The following PARD6G variants were observed in gnomAD, a reference collection of about 807,000 sequenced individuals.
The protein encoded by PARD6G is par-6 family cell polarity regulator gamma, also known as partitioning defective 6 homolog gamma.
Under a neutral mutation model 10.7 loss-of-function variants are expected in PARD6G, and 7 were observed. The ratio of observed to expected loss-of-function variants is 0.66; its 90% confidence interval spans 0.37 to 1.23. The LOEUF is 1.23. Ranked by LOEUF, PARD6G falls within the 50% of genes most tolerant of loss-of-function variation. PARD6G has a pLI of 0.02. For synonymous variants in PARD6G, 287 were observed against 269.4 expected (o/e 1.07, Z -0.64); for missense variants, 548 against 571.8 (o/e 0.96, Z 0.42).
rs1336766596 is a variant in PARD6G, at chr18:80,228,035, G to T, written c.72+19242C>A. Among the ~76,000 whole-genome samples, 2 of 152,138 alleles carry T rather than the reference G, an allele frequency of 1.3e-5. No homozygotes were observed. The highest frequency in any genetic ancestry group is 2.9e-5 in the Non-Finnish European group (2 of 68,036). ...GTATTTTCCTGTGCTGGGCTGAACGGTGAAAGAAAAATATGGTCTCCATTT... is the reference window on the plus strand; with the variant it reads ...GTATTTTCCTGTGCTGGGCTGAACGTTGAAAGAAAAATATGGTCTCCATTT... On this transcript the variant is annotated intron_variant, in intron 1 of 2. Transcript: ENST00000353265. This position sits in a 1 kb window ranked among gnomAD's most constrained non-coding sequence, Gnocchi z 4.6.
At chr18:80,168,500 CAAG>C (rs770144704) in intron 2 of PARD6G, among the ~76,000 whole-genome samples, 2 of 151,816 alleles carry the variant, frequency 1.3e-5, no homozygotes, top group Non-Finnish European at 2.9e-5. Flanking sequence ...GTAAACAATT[CAAG>C]GAGTCACATT....
At chr18:80,172,159 A>G (rs1263863979) in intron 2 of PARD6G, among the ~76,000 whole-genome samples, 3 of 152,104 alleles carry the variant, frequency 2.0e-5, no homozygotes, top group African/African-American at 7.2e-5. Flanking sequence ...AGCAGTTCTG[A>G]GGGTTACGAT....
intron 2 of PARD6G, among the ~76,000 whole-genome samples, chr18:80,165,522 C>T (rs1038347436): frequency 4.9e-4 from 74 of 151,538 alleles, no homozygotes; most frequent in Non-Finnish European, 7.7e-4. Flanking sequence ...CCTGAGGTGA[C>T]GTATATCCTC....
At chr18:80,167,817 G>C (rs1030092072) in intron 2 of PARD6G, among the ~76,000 whole-genome samples, 1 of 152,160 alleles carries the variant, frequency 6.6e-6, no homozygotes, top group Non-Finnish European at 1.5e-5. Flanking sequence ...GAACCCCTGG[G>C]CCTGGGGTGC....
At chr18:80,211,439 G>T (rs1489445342) in intron 1 of PARD6G, among the ~76,000 whole-genome samples, 1 of 152,186 alleles carries the variant, frequency 6.6e-6, no homozygotes, top group Non-Finnish European at 1.5e-5. Context: ...TGGAGAAATT[G>T]GAATCCTTGT....
At chr18:80,167,129 ATCCCTGCTGTGGG>A (rs1392968021) in intron 2 of PARD6G, among the ~76,000 whole-genome samples, 2 of 152,184 alleles carry the variant, frequency 1.3e-5, no homozygotes, top group Non-Finnish European at 2.9e-5. Context: ...CACAGGTCAC[ATCCCTGCTGTGGG>A]TCCTCTGTTG....
intron 1 of PARD6G, among the ~76,000 whole-genome samples, chr18:80,224,062 C>A (rs1462651121): frequency 6.6e-6 from 1 of 152,186 alleles, no homozygotes; most frequent in Non-Finnish European, 1.5e-5. Context: ...CCTGTCTCCA[C>A]CCTGACCCCA....
At chr18:80,203,387 GA>G (rs768380734) in intron 1 of PARD6G, among the ~76,000 whole-genome samples, 4 of 152,102 alleles carry the variant, frequency 2.6e-5, no homozygotes, top group Non-Finnish European at 5.9e-5. Context: ...CAGGAAGAGG[GA>G]CCCTAAACAA....
In PARD6G at chr18:80,192,166, A is replaced by G. The variant is rs1164054111; in HGVS notation, c.295+10544T>C. ...TTGGGGTCACAAGACCAGACTGCGC[A>G]TTCTCTACGAGACATGATATGACAG... On this transcript the variant is annotated intron_variant, in intron 2 of 2. Transcript: ENST00000353265. This position sits in a 1 kb window ranked among gnomAD's most constrained non-coding sequence, Gnocchi z 4.9. Among the ~76,000 whole-genome samples, 4 of 152,236 alleles carry G rather than the reference A, an allele frequency of 2.6e-5. No individual in the cohort carries two copies. Among genetic ancestry groups the G allele is most frequent in the African/African-American group, 9.6e-5 (4 of 41,462 alleles).
Position 80,161,145 on chromosome 18 carries a change from G to A in PARD6G, c.296-539C>T, listed in dbSNP as rs2052698490. On this transcript the variant is annotated intron_variant, in intron 2 of 2. Transcript: ENST00000353265. The surrounding 1 kb of genome is among the most constrained non-coding windows in gnomAD (Gnocchi z 4.6). Reference sequence around the variant, plus strand: ...CCCTGAATGTGTCACTCAGTCGGGCGTGTGAGCATTTCCCTGCGTTTTTGG... The same window carrying A: ...CCCTGAATGTGTCACTCAGTCGGGCATGTGAGCATTTCCCTGCGTTTTTGG... Among the ~76,000 whole-genome samples the A allele has an allele frequency of 6.6e-6, 1 of 152,172 alleles. No individual in the cohort carries two copies. The highest frequency in any genetic ancestry group is 2.1e-4 in the South Asian group (1 of 4,832).
chr18:80,167,610 A>T (rs748171786), intron 2 of PARD6G, among the ~76,000 whole-genome samples: 3 of 152,094 alleles, frequency 2.0e-5, no homozygotes, highest in Non-Finnish European at 4.4e-5. Context: ...AGCTGGGGCC[A>T]TGAGATGTAC....
chr18:80,177,225 C>T (rs111731065), intron 2 of PARD6G, among the ~76,000 whole-genome samples: 1 of 147,134 alleles, frequency 6.8e-6, no homozygotes. Flanking sequence ...AGCGCACACA[C>T]ACACACACAC....
At chr18:80,163,101 T>G (rs982971696) in intron 2 of PARD6G, among the ~76,000 whole-genome samples, 1 of 152,116 alleles carries the variant, frequency 6.6e-6, no homozygotes, top group African/African-American at 2.4e-5. Flanking sequence ...TCTCCTTGGA[T>G]GACAAATCTA....
At position 80,228,782 on chromosome 18, in the gene PARD6G, A is replaced by G. The variant is rs1167188749; in HGVS notation, c.72+18495T>C. On this transcript the variant is annotated intron_variant, in intron 1 of 2. Coordinates refer to ENST00000353265, the MANE Select transcript of PARD6G (RefSeq NM_032510.4). The surrounding 1 kb of genome is among the most constrained non-coding windows in gnomAD (Gnocchi z 4.6). ...GGCCCCCACCCCAGGCCTACAGGTG[A>G]GAACAGTGAACAACTGCAGGTGATC... Among the ~76,000 whole-genome samples the G allele has an allele frequency of 2.0e-5, 3 of 152,226 alleles. No individual in the cohort carries two copies. The highest frequency in any genetic ancestry group is 2.0e-4 in the Admixed American group (3 of 15,286).
At chr18:80,211,946 CA>C (rs34315416) in intron 1 of PARD6G, among the ~76,000 whole-genome samples, 28,922 of 151,896 alleles carry the variant, frequency 0.19, 3,362 homozygotes, top group African/African-American at 0.33. Context: ...TTGAGTTTTA[CA>C]AGATGAAAAG....
chr18:80,193,355 G>A (rs1427465610), intron 2 of PARD6G, among the ~76,000 whole-genome samples: 2 of 152,186 alleles, frequency 1.3e-5, no homozygotes, highest in Admixed American at 6.5e-5. Flanking sequence ...CTGAAAAAGT[G>A]TAATCCCTCA....
At position 80,235,964 on chromosome 18, in the gene PARD6G, C is replaced by T. The variant is rs573558880; in HGVS notation, c.72+11313G>A. Reference sequence around the variant, plus strand: ...CCATTCCTTCTGAAACTATTCCAATCAATAGAAAAAGAGGGAATCCTCCCT... The same window carrying T: ...CCATTCCTTCTGAAACTATTCCAATTAATAGAAAAAGAGGGAATCCTCCCT... On this transcript the variant is annotated intron_variant, in intron 1 of 2. Coordinates refer to ENST00000353265, the MANE Select transcript of PARD6G (RefSeq NM_032510.4). 2.8e-3 allele frequency among the ~76,000 whole-genome samples: 422 copies of T among 152,198 alleles called. 3 individuals carry two copies. Among genetic ancestry groups the T allele is most frequent in the African/African-American group, 9.8e-3 (407 of 41,512 alleles).
chr18:80,242,015 T>G (rs1199698094), intron 1 of PARD6G, among the ~76,000 whole-genome samples: 1 of 152,160 alleles, frequency 6.6e-6, no homozygotes, highest in Non-Finnish European at 1.5e-5. Flanking sequence ...GCCTTCTATC[T>G]GAAATGCCAT....
intron 1 of PARD6G, among the ~76,000 whole-genome samples, chr18:80,218,798 G>C (rs558825713): frequency 6.6e-6 from 1 of 152,196 alleles, no homozygotes; most frequent in Non-Finnish European, 1.5e-5. Flanking sequence ...GAACATCCAG[G>C]CCTTTCCACA....
Sources: gnomAD v4.1 joint callset for allele counts (sites outside exome capture counted in the v4.1 genomes callset) on GRCh38, gnomAD v4.1.1 for gene constraint, Gnocchi (gnomAD v3.1) non-coding constraint, MANE v1.5 for transcripts, NCBI Gene and HGNC (gene_info 2026-07-23, HGNC 2026-07-21) for gene names.